TTC29: variants seen among roughly 807,000 people sequenced by gnomAD.
The protein encoded by TTC29 is tetratricopeptide repeat domain 29.
Under a neutral mutation model 58.1 loss-of-function variants are expected in TTC29, and 49 were observed. The observed-to-expected ratio is 0.84, with a 90% confidence interval of 0.67 to 1.07. TTC29 has a LOEUF of 1.07. Ranked by LOEUF, TTC29 falls within the 50% of genes least tolerant of loss-of-function variation. TTC29 has a pLI of 0.00. For synonymous variants in TTC29, 209 were observed against 196.8 expected (o/e 1.06, Z -0.52); for missense variants, 582 against 555.6 (o/e 1.05, Z -0.48).
At chr4:146,900,646 C>T (rs1733081574) in intron 6 of TTC29, among the ~76,000 whole-genome samples, 1 of 152,082 alleles carries the variant, frequency 6.6e-6, no homozygotes, top group Admixed American at 6.5e-5. Context: ...TGTATAAATC[C>T]TCCAATAGAA....
intron 11 of TTC29, among the ~76,000 whole-genome samples, chr4:146,725,748 A>G (rs559291163): frequency 3.9e-5 from 6 of 152,318 alleles, no homozygotes; most frequent in Admixed American, 2.0e-4. Flanking sequence ...GAGAATAAAA[A>G]AACCAAATAG....
chr4:146,762,553 T>C (rs555743224), intron 11 of TTC29, among the ~76,000 whole-genome samples: 8 of 152,052 alleles, frequency 5.3e-5, no homozygotes, highest in Middle Eastern at 3.4e-3. Context: ...TATGTTCTAT[T>C]TCTATTTCAA....
At chr4:146,808,821 T>C (rs1159444218) in intron 10 of TTC29, among the ~76,000 whole-genome samples, 2 of 152,216 alleles carry the variant, frequency 1.3e-5, no homozygotes, top group African/African-American at 4.8e-5. Context: ...CAAAGTAATT[T>C]ACAGATCCAA....
chr4:146,764,982 A>G (rs1202191024), intron 11 of TTC29, among the ~76,000 whole-genome samples: 1 of 152,090 alleles, frequency 6.6e-6, no homozygotes, highest in Non-Finnish European at 1.5e-5. Context: ...AGCCTTGTTA[A>G]CTTTAAGTTT....
chr4:146,855,179 C>A (rs932037906), intron 8 of TTC29, among the ~76,000 whole-genome samples: 3 of 152,116 alleles, frequency 2.0e-5, no homozygotes, highest in Non-Finnish European at 4.4e-5. Flanking sequence ...CCTATAATCC[C>A]AGCAGCACTT....
intron 11 of TTC29, among the ~76,000 whole-genome samples, chr4:146,764,731 G>C (rs930077842): frequency 3.3e-5 from 5 of 152,018 alleles, no homozygotes; most frequent in African/African-American, 1.2e-4. Flanking sequence ...ATCACTGCCA[G>C]ACTTAGGCTT....
intron 7 of TTC29, among the ~76,000 whole-genome samples, chr4:146,873,884 T>A (rs1396263817): frequency 6.6e-6 from 1 of 152,174 alleles, no homozygotes; most frequent in African/African-American, 2.4e-5. Flanking sequence ...ACCAATCAAT[T>A]AAATATATCC....
intron 4 of TTC29, among the ~76,000 whole-genome samples, chr4:146,917,051 G>A (rs1042775009): frequency 3.3e-5 from 5 of 150,690 alleles, no homozygotes; most frequent in African/African-American, 4.9e-5. Context: ...AATTATGATG[G>A]ATTCTCTAAA....
intron 11 of TTC29, among the ~76,000 whole-genome samples, chr4:146,770,894 C>A (rs113586823): frequency 5.0e-4 from 76 of 152,224 alleles, no homozygotes; most frequent in African/African-American, 1.8e-3. Flanking sequence ...TTACCAATAA[C>A]TAACTTATAA....
chr4:146,808,200 T>G (rs993942620), intron 10 of TTC29, among the ~76,000 whole-genome samples: 2 of 152,150 alleles, frequency 1.3e-5, no homozygotes, highest in Non-Finnish European at 2.9e-5. Flanking sequence ...GCCTTCATGC[T>G]AAAAACTCTT....
At chr4:146,728,300 A>G (rs1743939110) in intron 11 of TTC29, among the ~76,000 whole-genome samples, 1 of 152,148 alleles carries the variant, frequency 6.6e-6, no homozygotes, top group African/African-American at 2.4e-5. Context: ...AAAAGAAAAA[A>G]AAAAAAAGAT....
chr4:146,903,418 C>T, intron 6 of TTC29, 126 bp downstream of exon 6: 1 of 801,820 alleles, frequency 1.2e-6, no homozygotes, highest in Non-Finnish European at 1.8e-6. Flanking sequence ...GCTTTTTGAT[C>T]TCAATAATAT....
At chr4:146,751,013 G>C (rs1023286439) in intron 11 of TTC29, among the ~76,000 whole-genome samples, 1 of 152,194 alleles carries the variant, frequency 6.6e-6, no homozygotes, top group African/African-American at 2.4e-5. Flanking sequence ...TGAATGTGAT[G>C]AAAGATGACA....
At chr4:146,745,258 ACT>A (rs1345363401) in intron 11 of TTC29, among the ~76,000 whole-genome samples, 11 of 152,148 alleles carry the variant, frequency 7.2e-5, no homozygotes, top group Admixed American at 2.0e-4. Context: ...GACAATTGAA[ACT>A]CTGGCAAAGT....
chr4:146,767,569 G>A (rs1257561153), intron 11 of TTC29, among the ~76,000 whole-genome samples: 20 of 151,996 alleles, frequency 1.3e-4, no homozygotes, highest in Admixed American at 1.1e-3. Context: ...TCTATAGGTT[G>A]CTGTTTGGCA....
intron 11 of TTC29, among the ~76,000 whole-genome samples, chr4:146,749,523 T>C (rs919650643): frequency 2.0e-5 from 3 of 152,136 alleles, no homozygotes; most frequent in East Asian, 1.9e-4. Flanking sequence ...CCTATGGGAC[T>C]TATGGCATAG....
At chr4:146,774,579 G>T (rs1042561612) in intron 11 of TTC29, among the ~76,000 whole-genome samples, 9 of 152,136 alleles carry the variant, frequency 5.9e-5, no homozygotes, top group Non-Finnish European at 1.5e-5. Flanking sequence ...TGTGATCTGA[G>T]AGTGTACTTG....
At position 146,903,600 on chromosome 4, in the gene TTC29, C is replaced by T; in HGVS notation, c.530G>A (p.Cys177Tyr). The T allele has an allele frequency of 2.5e-6, 4 of 1,612,790 alleles. No individual in the cohort carries two copies. The highest frequency in any genetic ancestry group is 3.4e-6 in the Non-Finnish European group (4 of 1,179,366). The change falls in exon 6 of 13, where the codon TGT becomes TAT. Residue 177 changes from cysteine (C) to tyrosine (Y), a missense_variant. By Grantham distance (194) the Cys-to-Tyr change is radical. Coordinates refer to ENST00000325106, the MANE Select transcript of TTC29 (RefSeq NM_031956.4). ...FKIAQLIKID[C>Y]GKKEAEAHMH... ...GTGTGCCTCGGCTTCTTTCTTCCCA[C>T]AGTCAATTTTGATCAGCTGAGCAAT...
rs181078357 is a variant in TTC29, at chr4:146,829,686, A to G, written c.977+4120T>C. ...AGCAAGAAAAAATTAATTTTCAGCTATAACAGAAAGGTAATTTTCACACTT... is the reference window on the plus strand; with the variant it reads ...AGCAAGAAAAAATTAATTTTCAGCTGTAACAGAAAGGTAATTTTCACACTT... On this transcript the variant is annotated intron_variant, in intron 9 of 12. Transcript: ENST00000325106. 1.4e-3 allele frequency among the ~76,000 whole-genome samples: 214 copies of G among 152,314 alleles called. 1 individual carries two copies. Among genetic ancestry groups the G allele is most frequent in the Admixed American group, 8.8e-3 (135 of 15,266 alleles).
Sources: gnomAD v4.1 joint callset for allele counts (sites outside exome capture counted in the v4.1 genomes callset) on GRCh38, gnomAD v4.1.1 for gene constraint, MANE v1.5 for transcripts, NCBI Gene and HGNC (gene_info 2026-07-23, HGNC 2026-07-21) for gene names.